MECOM: variants seen among roughly 807,000 people sequenced by gnomAD.
MECOM encodes the protein histone-lysine N-methyltransferase MECOM.
Under a neutral mutation model 116.3 loss-of-function variants are expected in MECOM, and 13 were observed. The ratio of observed to expected loss-of-function variants is 0.11; its 90% CI spans 0.07 to 0.18. MECOM has a LOEUF of 0.18. Ranked by LOEUF, MECOM falls within the 10% of genes least tolerant of loss-of-function variation. MECOM has a pLI of 1.00. For missense variants in MECOM, 1,299 were observed against 1,509.0 expected (o/e 0.86, Z 2.31); for synonymous variants, 528 against 535.2 (o/e 0.99, Z 0.19).
intron 2 of MECOM, among the ~76,000 whole-genome samples, chr3:169,214,695 G>A (rs1478362346): frequency 1.3e-5 from 2 of 150,794 alleles, no homozygotes; most frequent in Non-Finnish European, 3.0e-5. Flanking sequence ...ACATATTTTT[G>A]TTAACTAAGG....
At chr3:169,164,402 T>C (rs1743263409) in intron 2 of MECOM, among the ~76,000 whole-genome samples, 1 of 152,174 alleles carries the variant, frequency 6.6e-6, no homozygotes, top group African/African-American at 2.4e-5. Flanking sequence ...TAAACCTCTT[T>C]CTTTTGTAAA....
At chr3:169,639,726 T>C (rs1408420597) in intron 1 of MECOM, among the ~76,000 whole-genome samples, 1 of 152,208 alleles carries the variant, frequency 6.6e-6, no homozygotes, top group Non-Finnish European at 1.5e-5. Flanking sequence ...TTAAACATAA[T>C]TCACAGTTCA....
At chr3:169,137,482 T>C (rs1278283848) in intron 3 of MECOM, among the ~76,000 whole-genome samples, 1 of 152,080 alleles carries the variant, frequency 6.6e-6, no homozygotes, top group East Asian at 1.9e-4. Context: ...TGACTGAACA[T>C]AAATTTGTTC....
At chr3:169,470,129 CA>C (rs1748964026) in intron 1 of MECOM, 1 of 152,112 alleles carries the variant, frequency 6.6e-6, no homozygotes, top group South Asian at 2.1e-4. Context: ...TGATTACAAA[CA>C]ATTTTATTTT....
At chr3:169,446,473 C>T (rs996028313) in intron 1 of MECOM, among the ~76,000 whole-genome samples, 1 of 151,990 alleles carries the variant, frequency 6.6e-6, no homozygotes, top group Non-Finnish European at 1.5e-5. Flanking sequence ...TTTTTTCTTC[C>T]TAGTCTCAGA....
At chr3:169,440,514 G>A (rs2108607841) in intron 1 of MECOM, among the ~76,000 whole-genome samples, 1 of 129,432 alleles carries the variant, frequency 7.7e-6, no homozygotes, top group Non-Finnish European at 1.6e-5. Flanking sequence ...ATGGAAGCCT[G>A]TTGGCATGTA....
intron 3 of MECOM, among the ~76,000 whole-genome samples, chr3:169,142,247 T>G (rs1477199361): frequency 1.3e-5 from 2 of 151,950 alleles, no homozygotes; most frequent in Non-Finnish European, 2.9e-5. Context: ...TTTCACGGAT[T>G]CTACAACAGT....
chr3:169,285,989 C>T (rs1355688768), intron 2 of MECOM, among the ~76,000 whole-genome samples: 1 of 152,152 alleles, frequency 6.6e-6, no homozygotes, highest in Non-Finnish European at 1.5e-5. Context: ...AAGCCCTTGC[C>T]TACTGTTTTA....
At chr3:169,287,057 A>C (rs187940557) in intron 2 of MECOM, among the ~76,000 whole-genome samples, 1 of 152,334 alleles carries the variant, frequency 6.6e-6, no homozygotes, top group East Asian at 1.9e-4. Context: ...CCAGCTCGGC[A>C]GCTGGAGTCC....
intron 1 of MECOM, among the ~76,000 whole-genome samples, chr3:169,424,176 T>G (rs566857435): frequency 6.6e-6 from 1 of 152,246 alleles, no homozygotes; most frequent in East Asian, 1.9e-4. Flanking sequence ...GACCACCTCC[T>G]GTAGGCCTGG....
chr3:169,522,332 C>T (rs974597530), intron 1 of MECOM, among the ~76,000 whole-genome samples: 17 of 152,148 alleles, frequency 1.1e-4, no homozygotes, highest in African/African-American at 4.1e-4. Flanking sequence ...GGGTCAGCTG[C>T]GGGTGGAGGC....
At chr3:169,405,796 T>C (rs1028745696) in intron 1 of MECOM, among the ~76,000 whole-genome samples, 1 of 152,208 alleles carries the variant, frequency 6.6e-6, no homozygotes, top group Non-Finnish European at 1.5e-5. Context: ...TGCAAGCATA[T>C]GAGAAAAAGG....
Position 169,143,795 on chromosome 3 carries a change from T to C in MECOM, c.413A>G (p.Asp138Gly), listed in dbSNP as rs751362723. ...GCTTCCAACATCTGGTTGACTGGCA[T>C]CTATGCAGAACTTCACATTGTAAAA... is the stretch of plus-strand genomic sequence containing the variant. ...DEFYNVKFCI[D>G]ASQPDVGSWL... Residue 138 changes from aspartate (D) to glycine (G), a missense_variant, in exon 3 of 17, where the codon GAT becomes GGT. Physicochemically the swap from Asp to Gly is moderately conservative, Grantham distance 94. This residue lies in a region of MECOM where 374 missense variants were observed against 433.4 expected (regional missense o/e 0.86). Transcript: ENST00000651503. 16 of 1,611,508 alleles carry C rather than the reference T, an allele frequency of 9.9e-6. No individual in the cohort carries two copies. The highest frequency in any genetic ancestry group is 1.4e-5 in the Non-Finnish European group (16 of 1,178,802).
chr3:169,115,337 C>T (rs528144081), intron 8 of MECOM, 46 bp downstream of exon 8: 2 of 1,570,552 alleles, frequency 1.3e-6, no homozygotes, highest in African/African-American at 2.7e-5. Flanking sequence ...GAAATACCGC[C>T]TTTCATACAT....
chr3:169,178,751 A>T (rs376274263), intron 2 of MECOM, among the ~76,000 whole-genome samples: 1 of 152,210 alleles, frequency 6.6e-6, no homozygotes, highest in Non-Finnish European at 1.5e-5. Context: ...AAATCCTAGG[A>T]TATGTTACGC....
rs553169534 is a variant in MECOM, at chr3:169,304,297, T to A, written c.375+76890A>T. The stretch of plus-strand genomic sequence containing the variant: ...CTGGTGAATTAATATAAAAAATTAA[T>A]TTTAGTGTTGACTTACTTTGTATTT... On this transcript the variant is annotated intron_variant, in intron 2 of 16. Transcript: ENST00000651503. Among the ~76,000 whole-genome samples the A allele has an allele frequency of 5.3e-5, 8 of 152,348 alleles. No homozygotes were observed. In the East Asian group the frequency reaches 1.3e-3, roughly 26 times the overall value.
chr3:169,524,677 T>C (rs544716716), intron 1 of MECOM, among the ~76,000 whole-genome samples: 1 of 152,330 alleles, frequency 6.6e-6, no homozygotes, highest in South Asian at 2.1e-4. Context: ...ACAACCCTAC[T>C]GAATTTAAGG....
intron 14 of MECOM, among the ~76,000 whole-genome samples, 169 bp downstream of exon 14, chr3:169,092,789 A>G (rs1720174259): frequency 6.6e-6 from 1 of 152,198 alleles, no homozygotes. Context: ...TAATTAACAC[A>G]TGTAAAATGC....
At chr3:169,464,968 A>C (rs1289109708) in intron 1 of MECOM, among the ~76,000 whole-genome samples, 1 of 152,156 alleles carries the variant, frequency 6.6e-6, no homozygotes, top group Non-Finnish European at 1.5e-5. Flanking sequence ...AATATTTAAA[A>C]TGTTGAAAAT....
Sources: gnomAD v4.1 joint callset for allele counts (sites outside exome capture counted in the v4.1 genomes callset) on GRCh38, gnomAD v4.1.1 for gene constraint, gnomAD v4.1.1 regional missense constraint, MANE v1.5 for transcripts, NCBI Gene and HGNC (gene_info 2026-07-23, HGNC 2026-07-21) for gene names.